The following ADGRB3 variants were observed in gnomAD, a reference collection of about 807,000 sequenced individuals.
The protein encoded by ADGRB3 is brain-specific angiogenesis inhibitor 3.
A neutral mutation model predicts 193.4 loss-of-function variants in ADGRB3; 37 were observed. That is an observed-to-expected ratio of 0.19 (90% confidence interval 0.15 to 0.25). ADGRB3 has a LOEUF of 0.25. Among genes scored for constraint, ADGRB3 ranks in the 10% least tolerant of loss-of-function variants. The pLI is 1.00. For missense variants in ADGRB3, 1,637 were observed against 1,852.9 expected (o/e 0.88, Z 2.14); for synonymous variants, 690 against 644.2 (o/e 1.07, Z -1.08).
intron 17 of ADGRB3, among the ~76,000 whole-genome samples, chr6:69,146,243 A>T (rs529960955): frequency 8.2e-4 from 125 of 152,310 alleles, no homozygotes; most frequent in African/African-American, 2.9e-3. Flanking sequence ...GGAGGCTGGC[A>T]TGTCAGTGCT....
chr6:68,823,493 C>G (rs927347054), intron 3 of ADGRB3, among the ~76,000 whole-genome samples: 10 of 151,816 alleles, frequency 6.6e-5, no homozygotes, highest in Admixed American at 1.3e-4. Flanking sequence ...TAAGGTAATG[C>G]AGAAGATAAT....
At chr6:68,712,544 G>T (rs944131360) in intron 3 of ADGRB3, among the ~76,000 whole-genome samples, 3 of 151,810 alleles carry the variant, frequency 2.0e-5, no homozygotes, top group Non-Finnish European at 2.9e-5. Context: ...AAGTCAGAGG[G>T]TATGAAAAGA....
intron 3 of ADGRB3, among the ~76,000 whole-genome samples, chr6:68,785,608 T>A (rs1473434110): frequency 6.6e-6 from 1 of 151,986 alleles, no homozygotes; most frequent in African/African-American, 2.4e-5. Context: ...ATAGTGCCGC[T>A]ATAAACATAC....
At chr6:68,718,295 T>A (rs1362299801) in intron 3 of ADGRB3, among the ~76,000 whole-genome samples, 1 of 151,726 alleles carries the variant, frequency 6.6e-6, no homozygotes, top group Non-Finnish European at 1.5e-5. Flanking sequence ...TGAATTAGAA[T>A]TTTTGCAGAT....
intron 20 of ADGRB3, among the ~76,000 whole-genome samples, chr6:69,284,783 C>T (rs1344715130): frequency 2.0e-5 from 3 of 151,872 alleles, no homozygotes; most frequent in African/African-American, 7.3e-5. Flanking sequence ...TTTTGTTCTC[C>T]AGTTTAATCC....
intron 3 of ADGRB3, among the ~76,000 whole-genome samples, chr6:68,721,316 G>A (rs974047477): frequency 2.0e-5 from 3 of 151,816 alleles, no homozygotes; most frequent in African/African-American, 4.8e-5. Flanking sequence ...ATGAGTTCAC[G>A]TCCTTTGTAG....
At chr6:68,949,361 C>T (rs1017144367) in intron 6 of ADGRB3, among the ~76,000 whole-genome samples, 1 of 151,980 alleles carries the variant, frequency 6.6e-6, no homozygotes, top group Non-Finnish European at 1.5e-5. Flanking sequence ...TGCCATGTTG[C>T]AGATTCCAGA....
intron 20 of ADGRB3, among the ~76,000 whole-genome samples, chr6:69,279,856 C>T (rs1315896411): frequency 6.6e-6 from 1 of 152,074 alleles, no homozygotes; most frequent in Non-Finnish European, 1.5e-5. Flanking sequence ...CACATTTCAT[C>T]TTTTTATACT....
At chr6:68,968,572 G>T (rs1768460513) in intron 8 of ADGRB3, among the ~76,000 whole-genome samples, 2 of 152,166 alleles carry the variant, frequency 1.3e-5, no homozygotes, top group Non-Finnish European at 1.5e-5. Context: ...AAAAGTGAAA[G>T]ATTATAAATG....
At chr6:69,353,689 G>A (rs552723924) in intron 26 of ADGRB3, among the ~76,000 whole-genome samples, 1 of 152,320 alleles carries the variant, frequency 6.6e-6, no homozygotes, top group African/African-American at 2.4e-5. Context: ...GGAGTTCCCA[G>A]CACTTCCCTC....
chr6:69,050,082 G>T (rs1030303970), intron 15 of ADGRB3, among the ~76,000 whole-genome samples: 2 of 152,124 alleles, frequency 1.3e-5, no homozygotes, highest in Admixed American at 1.3e-4. Flanking sequence ...AGTTAAATAC[G>T]ATCACAGTTG....
intron 17 of ADGRB3, among the ~76,000 whole-genome samples, chr6:69,160,287 C>T (rs965384436): frequency 6.6e-6 from 1 of 152,118 alleles, no homozygotes; most frequent in Non-Finnish European, 1.5e-5. Flanking sequence ...CAAGGTCCTT[C>T]TTGATATCTC....
intron 20 of ADGRB3, among the ~76,000 whole-genome samples, chr6:69,284,880 G>A (rs1411326899): frequency 6.6e-6 from 1 of 152,014 alleles, no homozygotes; most frequent in Admixed American, 6.6e-5. Flanking sequence ...AGGGAAGATT[G>A]AGAAGTACAA....
At chr6:69,328,112 G>T (rs978735869) in intron 22 of ADGRB3, among the ~76,000 whole-genome samples, 1 of 152,110 alleles carries the variant, frequency 6.6e-6, no homozygotes, top group Admixed American at 6.6e-5. Flanking sequence ...TTCTTAATAA[G>T]ACCAGCATAT....
At chr6:68,974,133 G>A (rs1301007918) in intron 8 of ADGRB3, among the ~76,000 whole-genome samples, 1 of 151,716 alleles carries the variant, frequency 6.6e-6, no homozygotes, top group African/African-American at 2.4e-5. Flanking sequence ...TTGTTTGTTG[G>A]AAGTCACTTT....
chr6:68,732,006 G>C (rs985631334), intron 3 of ADGRB3, among the ~76,000 whole-genome samples: 1 of 151,508 alleles, frequency 6.6e-6, no homozygotes, highest in African/African-American at 2.4e-5. Flanking sequence ...ACCTGCATGA[G>C]TATATTTAAC....
chr6:68,948,152 T>C (rs1229565132), intron 6 of ADGRB3, among the ~76,000 whole-genome samples: 1 of 152,208 alleles, frequency 6.6e-6, no homozygotes, highest in Non-Finnish European at 1.5e-5. Flanking sequence ...TAGCAGTCAC[T>C]ATATTAGCTG....
intron 3 of ADGRB3, among the ~76,000 whole-genome samples, chr6:68,844,398 A>G (rs1768232646): frequency 6.6e-6 from 1 of 152,178 alleles, no homozygotes; most frequent in Non-Finnish European, 1.5e-5. Flanking sequence ...GACAAAATAC[A>G]AAGACATCCA....
intron 3 of ADGRB3, among the ~76,000 whole-genome samples, chr6:68,655,135 A>G (rs1768461583): frequency 6.6e-6 from 1 of 150,748 alleles, no homozygotes; most frequent in Admixed American, 6.7e-5. Flanking sequence ...CTATAAATTC[A>G]GTACCAGAAT....
Sources: allele counts gnomAD v4.1 joint callset (sites outside exome capture counted in the v4.1 genomes callset), GRCh38; gene constraint gnomAD v4.1.1; transcripts MANE v1.5; gene names NCBI Gene and HGNC (gene_info 2026-07-23, HGNC 2026-07-21).